FBXW7: variants seen among roughly 807,000 people sequenced by gnomAD.
The protein encoded by FBXW7 is F-box/WD repeat-containing protein 7.
A neutral mutation model predicts 86.3 loss-of-function variants in FBXW7; 11 were observed. The observed-to-expected ratio is 0.13, with a 90% CI of 0.08 to 0.21. The LOEUF (loss-of-function observed/expected upper bound fraction) is 0.21. Ranked by LOEUF, FBXW7 falls within the 10% of genes least tolerant of loss-of-function variation. FBXW7 has a pLI of 1.00. For synonymous variants in FBXW7, 313 were observed against 297.9 expected (o/e 1.05, Z -0.52); for missense variants, 488 against 847.4 (o/e 0.58, Z 5.27).
intron 4 of FBXW7, among the ~76,000 whole-genome samples, chr4:152,382,913 T>A (rs896093517): frequency 2.0e-5 from 3 of 152,142 alleles, no homozygotes; most frequent in Admixed American, 6.6e-5. Context: ...TGTATGTTTG[T>A]TCTACCTTAG....
intron 6 of FBXW7, among the ~76,000 whole-genome samples, chr4:152,338,462 T>C (rs1427883679): frequency 6.6e-6 from 1 of 152,024 alleles, no homozygotes; most frequent in Non-Finnish European, 1.5e-5. Flanking sequence ...TGATTTGTTA[T>C]GTGAAAACAA....
intron 2 of FBXW7, among the ~76,000 whole-genome samples, chr4:152,517,611 T>C (rs560773453): frequency 6.6e-6 from 1 of 152,350 alleles, no homozygotes; most frequent in Non-Finnish European, 1.5e-5. Flanking sequence ...ACCTTGACCA[T>C]GTTTAACTTC....
chr4:152,342,239 A>T (rs879880122), intron 6 of FBXW7, among the ~76,000 whole-genome samples: 1 of 152,164 alleles, frequency 6.6e-6, no homozygotes, highest in Non-Finnish European at 1.5e-5. Flanking sequence ...GAGGTAGTAG[A>T]GAAGAGTAGA....
intron 4 of FBXW7, among the ~76,000 whole-genome samples, chr4:152,397,960 G>A (rs1736568154): frequency 6.6e-6 from 1 of 151,804 alleles, no homozygotes; most frequent in Non-Finnish European, 1.5e-5. Flanking sequence ...TTTTCTAAAA[G>A]CATACTTATA....
Position 152,535,871 on chromosome 4 carries a change from G to C in FBXW7, c.-957C>G. The C allele has an allele frequency of 2.6e-6, 1 of 381,700 alleles. No homozygotes were observed. Among genetic ancestry groups the C allele is most frequent in the Non-Finnish European group, 4.6e-6 (1 of 215,252 alleles). 23.6% of individuals were successfully genotyped at this position (381,700 alleles called of 1,614,324 possible). Reference sequence around the variant, plus strand: ...CCGGCGTGTGCAGCCGCCGCTGCCGGCCGGGAAGGTGAGGGGGGGAAAGGA... The same window carrying C: ...CCGGCGTGTGCAGCCGCCGCTGCCGCCCGGGAAGGTGAGGGGGGGAAAGGA... On this transcript the variant is annotated 5_prime_UTR_variant, in exon 1 of 14. Transcript: ENST00000281708.
At chr4:152,357,090 T>G (rs1324798862) in intron 4 of FBXW7, among the ~76,000 whole-genome samples, 1 of 152,158 alleles carries the variant, frequency 6.6e-6, no homozygotes, top group Non-Finnish European at 1.5e-5. Flanking sequence ...CCAGCTTTAG[T>G]TCAAAACTAC....
Position 152,536,046 on chromosome 4 carries a change from C to T in FBXW7, c.-1132G>A, listed in dbSNP as rs1252086540. 3 of 207,090 alleles carry T rather than the reference C, an allele frequency of 1.4e-5. No individual in the cohort carries two copies. Among genetic ancestry groups the T allele is most frequent in the East Asian group, 2.4e-4 (2 of 8,212 alleles). 12.8% of individuals were successfully genotyped at this position (207,090 alleles called of 1,614,324 possible). On this transcript the variant is annotated 5_prime_UTR_variant, in exon 1 of 14. Coordinates refer to ENST00000281708, the MANE Select transcript of FBXW7 (RefSeq NM_001349798.2). The stretch of plus-strand genomic sequence containing the variant: ...CAGCGGCAGCGCCCGGAGCTCAGCT[C>T]GCTGTCTCCCTCGCTCTGTGCGGGG...
intron 2 of FBXW7, among the ~76,000 whole-genome samples, chr4:152,533,067 G>A (rs1160743985): frequency 1.3e-5 from 2 of 152,042 alleles, no homozygotes; most frequent in Non-Finnish European, 2.9e-5. Context: ...GCACATGCCT[G>A]TAGTCCCAGC....
chr4:152,402,506 C>A (rs1737037357), intron 4 of FBXW7, among the ~76,000 whole-genome samples: 1 of 152,106 alleles, frequency 6.6e-6, no homozygotes, highest in East Asian at 1.9e-4. Flanking sequence ...CCACTCATCC[C>A]AAAATTACTA....
intron 2 of FBXW7, among the ~76,000 whole-genome samples, chr4:152,501,469 G>A (rs941012420): frequency 6.6e-6 from 1 of 152,096 alleles, no homozygotes; most frequent in Non-Finnish European, 1.5e-5. Flanking sequence ...CTTGCTCAAA[G>A]GATAAAAGCA....
intron 4 of FBXW7, among the ~76,000 whole-genome samples, chr4:152,403,471 T>C (rs1579103908): frequency 6.8e-6 from 1 of 146,382 alleles, no homozygotes; most frequent in South Asian, 2.2e-4. Context: ...GAGCCAGACT[T>C]CATCTCAAAA....
chr4:152,351,375 A>G (rs1731798783), intron 4 of FBXW7, among the ~76,000 whole-genome samples: 1 of 152,100 alleles, frequency 6.6e-6, no homozygotes, highest in Admixed American at 6.6e-5. Context: ...CTCACCTACA[A>G]TTTATACCTT....
intron 2 of FBXW7, among the ~76,000 whole-genome samples, chr4:152,441,157 T>C (rs557020478): frequency 2.0e-5 from 3 of 152,320 alleles, no homozygotes; most frequent in Non-Finnish European, 2.9e-5. Context: ...CCTCTCCTTA[T>C]TGAGATGACT....
At chr4:152,488,098 G>A (rs1745508317) in intron 2 of FBXW7, among the ~76,000 whole-genome samples, 2 of 151,930 alleles carry the variant, frequency 1.3e-5, no homozygotes. Context: ...ACATTCTTTG[G>A]AGAATTGAAA....
chr4:152,402,821 G>A (rs773706727), intron 4 of FBXW7, among the ~76,000 whole-genome samples: 2 of 152,202 alleles, frequency 1.3e-5, no homozygotes, highest in Non-Finnish European at 2.9e-5. Flanking sequence ...GAAAAGAGCT[G>A]TCACTGCTCT....
At chr4:152,500,172 G>A (rs1237180361) in intron 2 of FBXW7, among the ~76,000 whole-genome samples, 1 of 152,120 alleles carries the variant, frequency 6.6e-6, no homozygotes, top group African/African-American at 2.4e-5. Context: ...ACTGGAGAGG[G>A]AATAGGGGAG....
At position 152,456,360 on chromosome 4, in the gene FBXW7, TAAAAAAAAAAAA is replaced by T. The variant is rs58250889; in HGVS notation, c.-119-43843_-119-43832del. On this transcript the variant is annotated intron_variant, in intron 2 of 13. Transcript: ENST00000281708. ...GGCCCTATCTCTTTAAAAAAATCCT[TAAAAAAAAAAAA>T]AAAAAAAAAAAAAAACAGCCAAGTG... Among the ~76,000 whole-genome samples the T allele has an allele frequency of 2.5e-4, 18 of 72,150 alleles. No individual in the cohort carries two copies. In the East Asian group the frequency reaches 4.7e-3, roughly 19 times the overall value. 47.3% of individuals were successfully genotyped at this position (72,150 alleles called of 152,430 possible). A position where few individuals can be genotyped will look rare whatever the true frequency, so the allele number is the denominator to read the frequency against.
intron 6 of FBXW7, among the ~76,000 whole-genome samples, chr4:152,345,468 T>C (rs1731173499): frequency 6.6e-6 from 1 of 152,164 alleles, no homozygotes; most frequent in Non-Finnish European, 1.5e-5. Flanking sequence ...TTAGTACCAT[T>C]GACATTTTGG....
At chr4:152,330,284 ATT>A (rs1384001023) in intron 9 of FBXW7, among the ~76,000 whole-genome samples, 1 of 151,954 alleles carries the variant, frequency 6.6e-6, no homozygotes, top group Non-Finnish European at 1.5e-5. Context: ...TGTTTTTACC[ATT>A]CTTTATGTAT....
Sources: allele counts gnomAD v4.1 joint callset (sites outside exome capture counted in the v4.1 genomes callset), GRCh38; gene constraint gnomAD v4.1.1; transcripts MANE v1.5; gene names NCBI Gene and HGNC (gene_info 2026-07-23, HGNC 2026-07-21).